The following RASA3 variants were observed in gnomAD, a reference collection of about 807,000 sequenced individuals.
The protein encoded by RASA3 is ras GTPase-activating protein 3.
A neutral mutation model predicts 110.0 loss-of-function variants in RASA3; 73 were observed. The observed-to-expected ratio is 0.66, with a 90% confidence interval of 0.55 to 0.81. The LOEUF (loss-of-function observed/expected upper bound fraction) is 0.81, where lower values mean the gene tolerates loss of function less well. Among genes scored for constraint, RASA3 ranks in the 30% least tolerant of loss-of-function variants. The pLI, the probability that RASA3 is intolerant of heterozygous loss-of-function variation, is 0.00. For missense variants in RASA3, 976 were observed against 1,113.2 expected (o/e 0.88, Z 1.75); for synonymous variants, 500 against 451.4 (o/e 1.11, Z -1.37).
chr13:114,009,299 T>G lies in RASA3; in HGVS notation c.1668+88A>C, dbSNP rs1310174931. On this transcript the variant is annotated intron_variant, in intron 17 of 23. Transcript: ENST00000334062. ...TTAAAATCGCTAATGGCCAAGTCTG[T>G]GTCATGTGGGTTCTATCTCAATTTT... The G allele has an allele frequency of 2.8e-6, 3 of 1,073,992 alleles. No homozygotes were observed. In the African/African-American group the frequency reaches 4.7e-5, roughly 17 times the overall value. 66.5% of individuals were successfully genotyped at this position (1,073,992 alleles called of 1,614,324 possible).
chr13:114,083,585 C>A lies in RASA3; in HGVS notation c.56-9748G>T, dbSNP rs1272955574. On this transcript the variant is annotated intron_variant, in intron 1 of 23. Coordinates refer to ENST00000334062, the MANE Select transcript of RASA3 (RefSeq NM_007368.4). ...AAGTGGTGAGTCTGGAGTATCGACT[C>A]CCTTCGTCCTCGCGGGGAAATCACG... Among the ~76,000 whole-genome samples the A allele has an allele frequency of 2.9e-4, 40 of 139,638 alleles. 1 individual carries two copies. The highest frequency in any genetic ancestry group is 5.9e-4 in the Non-Finnish European group (37 of 63,062). 91.6% of individuals were successfully genotyped at this position (139,638 alleles called of 152,430 possible). A position where few individuals can be genotyped will look rare whatever the true frequency, so the allele number is the denominator to read the frequency against.
intron 1 of RASA3, among the ~76,000 whole-genome samples, chr13:114,089,730 G>A (rs1046955436): frequency 1.3e-5 from 2 of 152,164 alleles, no homozygotes; most frequent in African/African-American, 2.4e-5. Context: ...GCACGATCCC[G>A]TGGTTTTTAG....
intron 16 of RASA3, among the ~76,000 whole-genome samples, chr13:114,010,777 G>T (rs1594315773): frequency 1.5e-5 from 2 of 130,302 alleles, no homozygotes; most frequent in Non-Finnish European, 3.5e-5. Context: ...GGGAGGAGGG[G>T]GCCGCGTGGG....
intron 6 of RASA3, 32 bp downstream of exon 6, chr13:114,027,815 A>C: frequency 6.2e-7 from 1 of 1,602,528 alleles, no homozygotes; most frequent in African/African-American, 1.3e-5. Context: ...CCCCAGGACC[A>C]GAACAGAAAC....
intron 22 of RASA3, among the ~76,000 whole-genome samples, chr13:113,990,208 A>G (rs999757635): frequency 6.6e-6 from 1 of 152,016 alleles, no homozygotes; most frequent in Non-Finnish European, 1.5e-5. Context: ...TGAGTCAATC[A>G]ATCTTCTTTT....
At chr13:114,105,731 C>T (rs981563927) in intron 1 of RASA3, among the ~76,000 whole-genome samples, 2 of 152,232 alleles carry the variant, frequency 1.3e-5, no homozygotes, top group African/African-American at 2.4e-5. Context: ...CTGAGCAGCC[C>T]GTCCGTTGTC....
At chr13:114,108,936 G>C (rs903870274) in intron 1 of RASA3, 2 of 152,370 alleles carry the variant, frequency 1.3e-5, no homozygotes, top group Non-Finnish European at 2.9e-5. Flanking sequence ...GCGTGCAGGT[G>C]TCGGAGGGCG....
chr13:114,111,197 C>G (rs1162759601), intron 1 of RASA3, among the ~76,000 whole-genome samples: 5 of 53,864 alleles, frequency 9.3e-5, no homozygotes, highest in African/African-American at 1.3e-4. Flanking sequence ...AGCTGCAGGC[C>G]GAGTTCTAAC....
At chr13:114,098,717 C>T (rs1212614899) in intron 1 of RASA3, among the ~76,000 whole-genome samples, 2 of 152,076 alleles carry the variant, frequency 1.3e-5, no homozygotes, top group Admixed American at 1.3e-4. Flanking sequence ...AGAAGGAACC[C>T]CGTGGGATGT....
intron 4 of RASA3, among the ~76,000 whole-genome samples, chr13:114,039,961 T>C (rs1476974552): frequency 6.6e-6 from 1 of 152,198 alleles, no homozygotes; most frequent in Non-Finnish European, 1.5e-5. Flanking sequence ...AGACCCTTCT[T>C]GGTGCCGCGT....
Position 113,981,825 on chromosome 13 carries a change from G to C in RASA3, c.2279C>G (p.Pro760Arg). Residue 760 changes from proline to arginine, a missense_variant, in exon 23 of 24, where the codon CCG becomes CGG. Pro to Arg is a moderately radical substitution (Grantham distance 103, BLOSUM62 -2). Around this residue, in one of 4 missense-constraint regions of RASA3, gnomAD observed 132 missense variants for 152.8 expected, o/e 0.86. Transcript: ENST00000334062. ...ACGSKSVYDG[P>R]EQEEYSTFVI... The stretch of plus-strand genomic sequence containing the variant: ...GAACGTCGAATACTCCTCCTGCTCC[G>C]GGCCGTCATACACAGATTTGCTCCC... 1 of 1,613,856 alleles carries C rather than the reference G, an allele frequency of 6.2e-7. No homozygotes were observed. The highest frequency in any genetic ancestry group is 8.5e-7 in the Non-Finnish European group (1 of 1,179,948).
intron 2 of RASA3, among the ~76,000 whole-genome samples, chr13:114,058,214 C>T (rs1464500616): frequency 2.0e-5 from 3 of 151,880 alleles, no homozygotes; most frequent in Admixed American, 6.6e-5. Context: ...CCCCAAGACC[C>T]CCGAGATGCC....
Position 114,125,731 on chromosome 13 carries a change from C to T in RASA3, c.55+6704G>A, listed in dbSNP as rs115993048. On this transcript the variant is annotated intron_variant, in intron 1 of 23. Coordinates refer to ENST00000334062, the MANE Select transcript of RASA3 (RefSeq NM_007368.4). ...CATCGCCTTCACCTATGGTTCAAAG[C>T]TAGAAGCTCTGGTTGCACGGCAAGC... 3.7e-3 allele frequency among the ~76,000 whole-genome samples: 560 copies of T among 152,290 alleles called. 3 individuals carry two copies. Among genetic ancestry groups the T allele is most frequent in the African/African-American group, 0.013 (534 of 41,554 alleles).
intron 1 of RASA3, among the ~76,000 whole-genome samples, chr13:114,128,910 C>G (rs2080483843): frequency 1.3e-5 from 2 of 151,938 alleles, no homozygotes; most frequent in South Asian, 4.1e-4. Flanking sequence ...CTTTCCCGCC[C>G]TGGACCGCGG....
At chr13:114,060,504 C>T (rs928715796) in intron 2 of RASA3, among the ~76,000 whole-genome samples, 1 of 152,176 alleles carries the variant, frequency 6.6e-6, no homozygotes, top group Non-Finnish European at 1.5e-5. Context: ...GCCACGGTGC[C>T]GAGCAAATCC....
chr13:114,096,391 C>T lies in RASA3; in HGVS notation c.56-22554G>A, dbSNP rs531523843. ...TTGTCCGACACTGGGTGATTCTGCA[C>T]GCCCGGCTCGGAACCCTGTGCATTG... On this transcript the variant is annotated intron_variant, in intron 1 of 23. Coordinates refer to ENST00000334062, the MANE Select transcript of RASA3 (RefSeq NM_007368.4). The surrounding 1 kb of genome is among the most constrained non-coding windows in gnomAD (Gnocchi z 5.1). Among the ~76,000 whole-genome samples, 11 of 152,136 alleles carry T rather than the reference C, an allele frequency of 7.2e-5. No individual in the cohort carries two copies. The highest frequency in any genetic ancestry group is 2.2e-4 in the African/African-American group (9 of 41,434).
intron 1 of RASA3, among the ~76,000 whole-genome samples, chr13:114,102,235 GGTGGGCGGTAGGCGGGCA>G (rs2080069375): frequency 6.6e-6 from 1 of 151,776 alleles, no homozygotes. Context: ...GCGGGCAGCA[GGTGGGCGGTAGGCGGGCA>G]GTGGGCAGGC....
Position 114,112,508 on chromosome 13 carries a change from A to T in RASA3, c.55+19927T>A, listed in dbSNP as rs2080232522. Among the ~76,000 whole-genome samples, 3 of 152,270 alleles carry T rather than the reference A, an allele frequency of 2.0e-5. No homozygotes were observed. The South Asian group carries it at 6.2e-4, about 32-fold the overall frequency. Reference sequence around the variant, plus strand: ...GGGAACTCTCTGCAGGGCCGGTGGAAAGAGATCGCCAGCCCCAGCTCTGTA... The same window carrying T: ...GGGAACTCTCTGCAGGGCCGGTGGATAGAGATCGCCAGCCCCAGCTCTGTA... On this transcript the variant is annotated intron_variant, in intron 1 of 23. Coordinates refer to ENST00000334062, the MANE Select transcript of RASA3 (RefSeq NM_007368.4). This position sits in a 1 kb window ranked among gnomAD's most constrained non-coding sequence, Gnocchi z 4.8.
intron 4 of RASA3, among the ~76,000 whole-genome samples, chr13:114,035,321 G>A (rs776416753): frequency 5.9e-5 from 9 of 152,244 alleles, no homozygotes; most frequent in African/African-American, 1.9e-4. Context: ...CTGCCTGGAC[G>A]CTGCACTGAG....
Sources: allele counts gnomAD v4.1 joint callset (sites outside exome capture counted in the v4.1 genomes callset), GRCh38; gene constraint gnomAD v4.1.1; regional missense constraint gnomAD v4.1.1; non-coding constraint Gnocchi (gnomAD v3.1); transcripts MANE v1.5; gene names NCBI Gene and HGNC (gene_info 2026-07-23, HGNC 2026-07-21).